Variants in ZBTB20 observed in about 807,000 individuals in gnomAD.
ZBTB20 encodes zinc finger and BTB domain containing 20, also known as zinc finger and BTB domain-containing protein 20.
ZBTB20 carries 9 observed loss-of-function variants against 56.9 expected under a neutral mutation model. That is an observed-to-expected ratio of 0.16 (90% CI 0.10 to 0.28). The LOEUF is 0.28. Ranked by LOEUF, ZBTB20 falls within the 10% of genes least tolerant of loss-of-function variation. The probability of loss-of-function intolerance (pLI) is 1.00; values close to 1 mark genes in which losing one functional copy is unlikely to be tolerated. For synonymous variants in ZBTB20, 417 were observed against 420.7 expected, an observed-to-expected ratio of 0.99 and a Z score of 0.11; for missense variants, 655 against 1,003.0, an observed-to-expected ratio of 0.65 and a Z score of 4.69.
chr3:114,914,759 G>GTT (rs555516253), intron 3 of ZBTB20, among the ~76,000 whole-genome samples: 15 of 147,494 alleles, frequency 1.0e-4, no homozygotes, highest in African/African-American at 3.5e-4. Flanking sequence ...TTTTTTGAGG[G>GTT]TTTTTTTTTT....
intron 6 of ZBTB20, among the ~76,000 whole-genome samples, chr3:114,662,860 G>T (rs1490792746): frequency 2.0e-5 from 3 of 152,114 alleles, no homozygotes; most frequent in Admixed American, 6.5e-5. Flanking sequence ...TGTTCACTCT[G>T]ATGGTAGTTT....
chr3:114,831,087 C>CTTTTTTTTTTTTTTTT (rs57265260), intron 4 of ZBTB20, among the ~76,000 whole-genome samples: 11 of 55,548 alleles, frequency 2.0e-4, no homozygotes, highest in Non-Finnish European at 3.0e-4. Flanking sequence ...TTTCTTTCTT[C>CTTTTTTTTTTTTTTTT]TTTTTTTTTT....
At chr3:115,057,200 T>C (rs1197956345) in intron 2 of ZBTB20, among the ~76,000 whole-genome samples, 1 of 152,144 alleles carries the variant, frequency 6.6e-6, no homozygotes, top group African/African-American at 2.4e-5. Flanking sequence ...TTTATTGATA[T>C]AAGAAAGTTT....
intron 3 of ZBTB20, among the ~76,000 whole-genome samples, chr3:114,920,059 A>G (rs772119577): frequency 2.6e-5 from 4 of 152,228 alleles, no homozygotes; most frequent in Non-Finnish European, 5.9e-5. Flanking sequence ...AAAGTGGTCA[A>G]TTCATTAAGA....
intron 5 of ZBTB20, among the ~76,000 whole-genome samples, chr3:114,788,855 G>A (rs539427131): frequency 6.6e-6 from 1 of 152,292 alleles, no homozygotes; most frequent in East Asian, 1.9e-4. Context: ...AGTGAAGGAG[G>A]AGCAAAGACA....
intron 5 of ZBTB20, among the ~76,000 whole-genome samples, chr3:114,768,943 G>T (rs1371113955): frequency 6.6e-6 from 1 of 152,178 alleles, no homozygotes; most frequent in Admixed American, 6.5e-5. Context: ...TTAGGCACAT[G>T]TGTTGTCTTA....
intron 10 of ZBTB20, among the ~76,000 whole-genome samples, chr3:114,353,633 C>T (rs1182594129): frequency 3.9e-5 from 6 of 152,106 alleles, no homozygotes; most frequent in African/African-American, 1.2e-4. Context: ...AAAGAAGGCA[C>T]AAATAACCCA....
At chr3:114,843,700 G>A (rs553473860) in intron 4 of ZBTB20, among the ~76,000 whole-genome samples, 10 of 151,642 alleles carry the variant, frequency 6.6e-5, no homozygotes, top group South Asian at 4.2e-4. Context: ...TTTTTGAGAC[G>A]GAGTCTCACT....
At chr3:114,584,347 T>A (rs1035709130) in intron 6 of ZBTB20, among the ~76,000 whole-genome samples, 3 of 152,164 alleles carry the variant, frequency 2.0e-5, no homozygotes, top group Admixed American at 6.5e-5. Context: ...TAAGTTCTAC[T>A]AAGAAGGAAA....
At chr3:114,600,933 G>C (rs1386319033) in intron 6 of ZBTB20, among the ~76,000 whole-genome samples, 1 of 151,536 alleles carries the variant, frequency 6.6e-6, no homozygotes, top group Non-Finnish European at 1.5e-5. Context: ...TTGAGGTACT[G>C]GGACTTACTC....
chr3:114,831,916 A>C lies in ZBTB20; in HGVS notation c.-416-30742T>G, dbSNP rs971987372. Among the ~76,000 whole-genome samples, 5 of 152,014 alleles carry C rather than the reference A, an allele frequency of 3.3e-5. No homozygotes were observed. In the East Asian group the frequency reaches 9.7e-4, roughly 29 times the overall value. On this transcript the variant is annotated intron_variant, in intron 4 of 11. Transcript: ENST00000675478. ...GATTCTAGGATCCTATTCCACCTGG[A>C]CCCTGCTTAAATTTCATTACTCATT...
At chr3:114,746,797 C>A (rs77293493) in intron 5 of ZBTB20, among the ~76,000 whole-genome samples, 3 of 152,132 alleles carry the variant, frequency 2.0e-5, no homozygotes, top group Non-Finnish European at 4.4e-5. Context: ...GGGATTATAA[C>A]CATATCAGAA....
Position 114,318,322 on chromosome 3 carries a change from C to T in ZBTB20, c.*20683G>A, listed in dbSNP as rs1213504471. 1 of 152,262 alleles carries T rather than the reference C, an allele frequency of 6.6e-6. No homozygotes were observed. 9.4% of individuals were successfully genotyped at this position (152,262 alleles called of 1,614,324 possible). ...CCTTCACACCACCCACAGCCATTTC[C>T]CTCCTTTGGGTCCCTGCCCCCCTGC... is the stretch of plus-strand genomic sequence containing the variant. On this transcript the variant is annotated 3_prime_UTR_variant, in exon 12 of 12. Coordinates refer to ENST00000675478, the MANE Select transcript of ZBTB20 (RefSeq NM_001348800.3).
chr3:114,862,815 T>C (rs183996598), intron 4 of ZBTB20, among the ~76,000 whole-genome samples: 37 of 152,238 alleles, frequency 2.4e-4, no homozygotes, highest in Non-Finnish European at 3.8e-4. Context: ...ACATTTTCTT[T>C]TGGAAGCAGA....
At chr3:114,372,302 A>G (rs1191264428) in intron 10 of ZBTB20, among the ~76,000 whole-genome samples, 1 of 152,236 alleles carries the variant, frequency 6.6e-6, no homozygotes, top group Non-Finnish European at 1.5e-5. Flanking sequence ...GAAAATCAGC[A>G]TTGGGCCCTA....
intron 6 of ZBTB20, among the ~76,000 whole-genome samples, chr3:114,554,596 T>C (rs2050977941): frequency 6.6e-6 from 1 of 152,330 alleles, no homozygotes; most frequent in East Asian, 1.9e-4. Context: ...TAAAAGGTGA[T>C]GCATATGAAT....
chr3:114,351,698 G>A lies in ZBTB20; in HGVS notation c.380C>T (p.Pro127Leu). The change falls in exon 11 of 12, where the codon CCC (proline) becomes CTC (leucine). Residue 127 changes from proline to leucine, a missense_variant. Pro to Leu is a moderately conservative substitution (Grantham distance 98). Around this residue, in one of 10 missense-constraint regions of ZBTB20, gnomAD observed 57 missense variants for 99.1 expected, o/e 0.58. Transcript: ENST00000675478. ...AAGCAGCAGTTTGTCCTGGAAGAAG[G>A]GGCTGCCGGCTGCCAGCACGCAGCG... ...AHRCVLAAGS[P>L]FFQDKLLLGY... 6.2e-7 allele frequency: 1 copy of A among 1,614,070 alleles called. No homozygotes were observed. Among genetic ancestry groups the A allele is most frequent in the Non-Finnish European group, 8.5e-7 (1 of 1,180,032 alleles).
At chr3:114,950,243 T>A (rs954086501) in intron 3 of ZBTB20, among the ~76,000 whole-genome samples, 2 of 152,206 alleles carry the variant, frequency 1.3e-5, no homozygotes, top group Non-Finnish European at 2.9e-5. Flanking sequence ...TTCCTATACA[T>A]AAATACCTAT....
At chr3:114,875,449 A>T (rs1476775004) in intron 4 of ZBTB20, among the ~76,000 whole-genome samples, 1 of 152,156 alleles carries the variant, frequency 6.6e-6, no homozygotes, top group East Asian at 1.9e-4. Context: ...AGTTACCAAA[A>T]TAATCAGTTT....
Sources: gnomAD v4.1 joint callset for allele counts (sites outside exome capture counted in the v4.1 genomes callset) on GRCh38, gnomAD v4.1.1 for gene constraint, gnomAD v4.1.1 regional missense constraint, MANE v1.5 for transcripts, NCBI Gene and HGNC (gene_info 2026-07-23, HGNC 2026-07-21) for gene names.